Variants in CNIH3 observed in about 807,000 individuals in gnomAD.
CNIH3 encodes cornichon family AMPA receptor auxiliary protein 3.
CNIH3 carries 14 observed loss-of-function variants against 24.1 expected under a neutral mutation model. The ratio of observed to expected loss-of-function variants is 0.58; its 90% CI spans 0.38 to 0.91. The LOEUF (loss-of-function observed/expected upper bound fraction) is 0.91. CNIH3 is among the 40% of genes least tolerant of loss of function. The pLI is 0.00. For missense variants in CNIH3, 178 were observed against 196.8 expected, an observed-to-expected ratio of 0.90 and a Z score of 0.57; for synonymous variants, 68 against 73.8, an observed-to-expected ratio of 0.92 and a Z score of 0.40.
upstream of CNIH3, among the ~76,000 whole-genome samples, chr1:224,613,884 G>GT (rs916069469): frequency 0.021 from 2,974 of 143,646 alleles, 36 homozygotes; most frequent in East Asian, 0.052. Flanking sequence ...TCAGGTTTTT[G>GT]TTTTTTTTTT....
intron 1 of CNIH3, among the ~76,000 whole-genome samples, chr1:224,676,723 G>A (rs1326308939): frequency 1.3e-5 from 2 of 152,150 alleles, no homozygotes; most frequent in African/African-American, 2.4e-5. Context: ...CATCACACTC[G>A]CAGTCAGTCC....
chr1:224,476,687 T>C (rs1676600470), intron 1 of CNIH3, among the ~76,000 whole-genome samples: 1 of 152,166 alleles, frequency 6.6e-6, no homozygotes, highest in Non-Finnish European at 1.5e-5. Flanking sequence ...TCCATGTTCA[T>C]GGACTGGAAG....
At chr1:224,638,606 T>A (rs1684206262) in intron 1 of CNIH3, among the ~76,000 whole-genome samples, 1 of 152,162 alleles carries the variant, frequency 6.6e-6, no homozygotes, top group Non-Finnish European at 1.5e-5. Context: ...GTGGTTCCCA[T>A]AGCTGGCACA....
intron 4 of CNIH3, 98 bp downstream of exon 4, chr1:224,730,672 T>C: frequency 1.4e-6 from 1 of 701,494 alleles, no homozygotes; most frequent in Non-Finnish European, 2.5e-6. Context: ...TCTATTGCCT[T>C]CCAATCATCC....
chr1:224,606,048 G>A (rs985199893), intron 3 of CNIH3, among the ~76,000 whole-genome samples: 2 of 152,210 alleles, frequency 1.3e-5, no homozygotes, highest in Non-Finnish European at 2.9e-5. Flanking sequence ...ACATGTAGGT[G>A]AGTGGGTGCT....
chr1:224,490,477 G>A (rs1449517404), intron 1 of CNIH3, among the ~76,000 whole-genome samples: 2 of 152,170 alleles, frequency 1.3e-5, no homozygotes, highest in African/African-American at 2.4e-5. Flanking sequence ...TAGTTTAGTC[G>A]TGTTTTCACA....
chr1:224,574,674 T>G, intron 4 of CNIH3: 75 of 1,069,324 alleles, frequency 7.0e-5, no homozygotes, highest in Non-Finnish European at 9.6e-5. Context: ...CAAGCTGTGG[T>G]GAGCGTACCA....
At chr1:224,715,863 G>A (rs945853231) in intron 3 of CNIH3, among the ~76,000 whole-genome samples, 1 of 152,088 alleles carries the variant, frequency 6.6e-6, no homozygotes, top group South Asian at 2.1e-4. Flanking sequence ...TCCCAGTACC[G>A]CCACATTGAG....
intron 1 of CNIH3, among the ~76,000 whole-genome samples, chr1:224,498,748 T>C (rs932814544): frequency 6.6e-6 from 1 of 152,222 alleles, no homozygotes; most frequent in Non-Finnish European, 1.5e-5. Context: ...CATGCGCTGC[T>C]TCAGCACAGG....
At chr1:224,509,065 G>T (rs893860611) in intron 1 of CNIH3, among the ~76,000 whole-genome samples, 9 of 152,210 alleles carry the variant, frequency 5.9e-5, no homozygotes, top group Admixed American at 5.2e-4. Flanking sequence ...GCTCACGCTT[G>T]TAATCCCAAC....
intron 3 of CNIH3, among the ~76,000 whole-genome samples, chr1:224,608,642 G>T (rs551665149): frequency 1.3e-5 from 2 of 152,184 alleles, no homozygotes; most frequent in African/African-American, 4.8e-5. Context: ...AGGGCACGGC[G>T]CCGGGCTGTC....
downstream of CNIH3, among the ~76,000 whole-genome samples, chr1:224,539,190 C>A (rs1222063258): frequency 1.3e-5 from 2 of 152,172 alleles, no homozygotes; most frequent in African/African-American, 4.8e-5. Context: ...GCTCCTCTTG[C>A]CGTATTTACT....
chr1:224,661,647 C>T (rs934564155), intron 1 of CNIH3: 2 of 292,468 alleles, frequency 6.8e-6, no homozygotes, highest in South Asian at 4.2e-5. Context: ...GTCAAAATGA[C>T]TTCCGCCACG....
intron 1 of CNIH3, among the ~76,000 whole-genome samples, chr1:224,468,661 G>T (rs1421561743): frequency 6.6e-6 from 1 of 151,838 alleles, no homozygotes; most frequent in East Asian, 1.9e-4. Flanking sequence ...TTATTGCATA[G>T]GCTAGAACTT....
At chr1:224,508,664 C>T (rs1317869386) in intron 1 of CNIH3, among the ~76,000 whole-genome samples, 5 of 152,194 alleles carry the variant, frequency 3.3e-5, no homozygotes, top group African/African-American at 1.2e-4. Context: ...TCAATGATAT[C>T]CCATTACTTA....
At chr1:224,671,979 G>A (rs566289314) in intron 1 of CNIH3, among the ~76,000 whole-genome samples, 7 of 151,980 alleles carry the variant, frequency 4.6e-5, no homozygotes, top group Admixed American at 1.3e-4. Context: ...CTAGTTTCAG[G>A]CATAAAACTA....
intron 1 of CNIH3, among the ~76,000 whole-genome samples, chr1:224,620,555 TA>T (rs757224516): frequency 6.6e-6 from 1 of 152,224 alleles, no homozygotes; most frequent in Non-Finnish European, 1.5e-5. Context: ...TATCCTTTTT[TA>T]AAAGAGGAAA....
rs369607833 is a variant in CNIH3 at position 224,604,250 on chromosome 1, C to G, written n.402+37986C>G. ...CCGTTATATGATTTGCCAATCAGAA[C>G]AGAAATCTTTCAATAGTATAGGAAT... On this transcript the variant is annotated intron_variant and non_coding_transcript_variant, in intron 3 of 7. Transcript: ENST00000478120. The surrounding 1 kb of genome is among the most constrained non-coding windows in gnomAD (Gnocchi z 4.4). Among the ~76,000 whole-genome samples, 8 of 152,326 alleles carry G rather than the reference C, an allele frequency of 5.3e-5. No individual in the cohort carries two copies. In the South Asian group the frequency reaches 1.7e-3, roughly 32 times the overall value.
At chr1:224,448,961 C>CTTTT (rs397983008) in intron 1 of CNIH3, among the ~76,000 whole-genome samples, 12 of 115,270 alleles carry the variant, frequency 1.0e-4, no homozygotes, top group South Asian at 2.9e-4. Context: ...AGCTGGGATT[C>CTTTT]TTTTTTTTTT....
Sources: allele counts gnomAD v4.1 joint callset (sites outside exome capture counted in the v4.1 genomes callset), GRCh38; gene constraint gnomAD v4.1.1; non-coding constraint Gnocchi (gnomAD v3.1); transcripts MANE v1.5; gene names NCBI Gene and HGNC (gene_info 2026-07-23, HGNC 2026-07-21).